Variants in MSI2 observed in about 807,000 individuals in gnomAD.
MSI2 encodes the protein musashi RNA binding protein 2.
Under a neutral mutation model 45.6 loss-of-function variants are expected in MSI2, and 17 were observed. That is an observed-to-expected ratio of 0.37 (90% confidence interval 0.26 to 0.56). The LOEUF (loss-of-function observed/expected upper bound fraction) is 0.56, where lower values mean the gene tolerates loss of function less well. MSI2 is among the 20% of genes least tolerant of loss of function. The probability of loss-of-function intolerance (pLI) is 0.77; values close to 1 mark genes in which losing one functional copy is unlikely to be tolerated. For synonymous variants in MSI2, 156 were observed against 158.2 expected (o/e 0.99, Z 0.11); for missense variants, 293 against 444.2 (o/e 0.66, Z 3.06).
chr17:57,514,222 T>C (rs1293264026), intron 6 of MSI2, among the ~76,000 whole-genome samples: 1 of 150,900 alleles, frequency 6.6e-6, no homozygotes, highest in African/African-American at 2.4e-5. Context: ...TTTTTTTTTC[T>C]GCTTCAGAAA....
At position 57,457,300 on chromosome 17, in the gene MSI2, G is replaced by A. The variant is rs149958342; in HGVS notation, c.405+55829G>A. 1.0e-3 allele frequency among the ~76,000 whole-genome samples: 155 copies of A among 152,240 alleles called. 1 individual carries two copies. In the South Asian group the frequency reaches 0.014, roughly 13 times the overall value. On this transcript the variant is annotated intron_variant, in intron 6 of 13. Transcript: ENST00000284073. ...GGACTAGACATTTTCCCCTAGAGCCGTGTTTCCCCAGGGCATTGAGAGGTG... is the reference window on the plus strand; with the variant it reads ...GGACTAGACATTTTCCCCTAGAGCCATGTTTCCCCAGGGCATTGAGAGGTG...
At chr17:57,261,068 T>A (rs1907262051) in intron 4 of MSI2, among the ~76,000 whole-genome samples, 1 of 152,262 alleles carries the variant, frequency 6.6e-6, no homozygotes, top group South Asian at 2.1e-4. Flanking sequence ...CCCAAAGATT[T>A]GTGACATTTA....
Position 57,286,115 on chromosome 17 carries a change from A to G in MSI2, c.312+23923A>G, listed in dbSNP as rs1909853449. 6.7e-6 allele frequency: 5 copies of G among 747,944 alleles called. No individual in the cohort carries two copies. In the Admixed American group the frequency reaches 1.5e-4, roughly 22 times the overall value. 46.3% of individuals were successfully genotyped at this position (747,944 alleles called of 1,614,324 possible). The stretch of plus-strand genomic sequence containing the variant: ...ATTTTTTCTTTCTTTCTTTTGTCTA[A>G]TACCTAATTCCTTATCTCATTTTTG... On this transcript the variant is annotated intron_variant, in intron 5 of 13. Transcript: ENST00000284073.
chr17:57,533,293 C>T (rs2086858708), intron 7 of MSI2, among the ~76,000 whole-genome samples: 1 of 152,204 alleles, frequency 6.6e-6, no homozygotes, highest in African/African-American at 2.4e-5. Context: ...GTATGTCTTC[C>T]ACCCTGCAAG....
chr17:57,295,992 C>CTTTTTTTTT (rs386386327), intron 5 of MSI2, among the ~76,000 whole-genome samples: 6 of 38,650 alleles, frequency 1.6e-4, no homozygotes, highest in African/African-American at 2.7e-4. Flanking sequence ...CGCAGCCTTC[C>CTTTTTTTTT]TTTTTTTTTT....
intron 5 of MSI2, among the ~76,000 whole-genome samples, chr17:57,315,535 A>G (rs140108123): frequency 6.6e-6 from 1 of 152,242 alleles, no homozygotes; most frequent in East Asian, 1.9e-4. Context: ...CCATAGTACC[A>G]AAGGTTCTTG....
At chr17:57,672,047 G>T (rs1012487971) in intron 11 of MSI2, among the ~76,000 whole-genome samples, 1 of 152,242 alleles carries the variant, frequency 6.6e-6, no homozygotes, top group Non-Finnish European at 1.5e-5. Context: ...GGACCAGCCA[G>T]AACTGGGTGC....
rs146128473 is a variant in MSI2, at chr17:57,574,421, G to A, written c.455-22447G>A. ...TCTGTAGCACAGGCCATTGGATGGG[G>A]ATGTCTTCCTTCAGAAGGATGGTGC... is the stretch of plus-strand genomic sequence containing the variant. On this transcript the variant is annotated intron_variant, in intron 7 of 13. Transcript: ENST00000284073. Among the ~76,000 whole-genome samples, 929 of 152,352 alleles carry A rather than the reference G, an allele frequency of 6.1e-3. 6 individuals are homozygous for A. The highest frequency in any genetic ancestry group is 0.041 in the Middle Eastern group (12 of 294).
chr17:57,367,316 A>G (rs2055010344), intron 5 of MSI2, among the ~76,000 whole-genome samples: 1 of 152,186 alleles, frequency 6.6e-6, no homozygotes, highest in Non-Finnish European at 1.5e-5. Flanking sequence ...TTTAAGTTGT[A>G]TCAGGAGATA....
chr17:57,384,766 T>C (rs184228641), intron 5 of MSI2, among the ~76,000 whole-genome samples: 1 of 152,322 alleles, frequency 6.6e-6, no homozygotes, highest in Non-Finnish European at 1.5e-5. Flanking sequence ...TCCCATGATT[T>C]CAGTGGCCAC....
At chr17:57,615,124 A>ATTT (rs35618682) in intron 8 of MSI2, among the ~76,000 whole-genome samples, 6 of 132,632 alleles carry the variant, frequency 4.5e-5, no homozygotes, top group Non-Finnish European at 7.9e-5. Context: ...TTGCACAAGA[A>ATTT]TTTTTTTTTT....
At chr17:57,454,045 G>T (rs1393160320) in intron 6 of MSI2, among the ~76,000 whole-genome samples, 2 of 152,334 alleles carry the variant, frequency 1.3e-5, no homozygotes, top group Admixed American at 1.3e-4. Context: ...CTGATACCTG[G>T]CAGGAAGCCC....
At chr17:57,694,752 C>T in the MSI2 span, among the ~76,000 whole-genome samples, 34 of 152,244 alleles carry the variant, frequency 2.2e-4, 1 homozygote, top group South Asian at 6.6e-3. Flanking sequence ...AATCCCTGGC[C>T]CCTTTTTGGT....
chr17:57,377,797 C>G (rs900372994), intron 5 of MSI2, among the ~76,000 whole-genome samples: 5 of 152,178 alleles, frequency 3.3e-5, no homozygotes, highest in African/African-American at 1.2e-4. Context: ...AAGGCATGGC[C>G]AGGCACAGTG....
At chr17:57,580,245 A>G (rs1482138270) in intron 7 of MSI2, among the ~76,000 whole-genome samples, 1 of 152,228 alleles carries the variant, frequency 6.6e-6, no homozygotes, top group East Asian at 1.9e-4. Context: ...GCCTTGGTTC[A>G]GAACTCATCT....
chr17:57,676,542 C>A (rs1317993755), intron 12 of MSI2, among the ~76,000 whole-genome samples: 1 of 152,294 alleles, frequency 6.6e-6, no homozygotes, highest in East Asian at 1.9e-4. Flanking sequence ...TCTTGAAAAC[C>A]GGGGTCTTTT....
chr17:57,532,213 G>A (rs1279401657), intron 7 of MSI2: 1 of 152,300 alleles, frequency 6.6e-6, no homozygotes, highest in Non-Finnish European at 1.5e-5. Flanking sequence ...TCTAAAATGT[G>A]TGGAGCCCAG....
Position 57,679,603 on chromosome 17 carries a change from T to C in MSI2, c.*86T>C, listed in dbSNP as rs1598521581. ...GCGAAGTTTCTGAGTGGCCCTTTGTTTAGGTGATGTCCTCAGACCTGGACC... is the reference window on the plus strand; with the variant it reads ...GCGAAGTTTCTGAGTGGCCCTTTGTCTAGGTGATGTCCTCAGACCTGGACC... On this transcript the variant is annotated 3_prime_UTR_variant, in exon 14 of 14. Coordinates refer to ENST00000284073, the MANE Select transcript of MSI2 (RefSeq NM_138962.4). The C allele has an allele frequency of 9.4e-7, 1 of 1,062,790 alleles. No individual in the cohort carries two copies. 65.8% of individuals were successfully genotyped at this position (1,062,790 alleles called of 1,614,324 possible).
chr17:57,664,992 G>A (rs1444675430), intron 11 of MSI2, among the ~76,000 whole-genome samples: 3 of 152,216 alleles, frequency 2.0e-5, no homozygotes, highest in East Asian at 1.9e-4. Context: ...TGTGTAACAC[G>A]GGGCTCAAGT....
Sources: allele counts gnomAD v4.1 joint callset (sites outside exome capture counted in the v4.1 genomes callset), GRCh38; gene constraint gnomAD v4.1.1; transcripts MANE v1.5; gene names NCBI Gene and HGNC (gene_info 2026-07-23, HGNC 2026-07-21).